The following LIMCH1 variants were observed in gnomAD, a reference collection of about 807,000 sequenced individuals.
LIMCH1 encodes the protein LIM and calponin homology domains-containing protein 1.
LIMCH1 carries 113 observed loss-of-function variants against 176.5 expected under a neutral mutation model. That is an observed-to-expected ratio of 0.64 (90% CI 0.55 to 0.75). The LOEUF (loss-of-function observed/expected upper bound fraction) is 0.75. LIMCH1 is among the 30% of genes least tolerant of loss of function. The probability of loss-of-function intolerance (pLI) is 0.00; values close to 1 mark genes in which losing one functional copy is unlikely to be tolerated. For missense variants in LIMCH1, 1,674 were observed against 1,814.9 expected, an observed-to-expected ratio of 0.92 and a Z score of 1.41; for synonymous variants, 619 against 645.9, an observed-to-expected ratio of 0.96 and a Z score of 0.63.
chr4:41,529,960 AGG>A (rs2077077399), intron 3 of LIMCH1, among the ~76,000 whole-genome samples: 1 of 152,188 alleles, frequency 6.6e-6, no homozygotes, highest in Non-Finnish European at 1.5e-5. Flanking sequence ...TTTGGGGAAA[AGG>A]ATGTACTTTT....
At chr4:41,526,808 A>G (rs968180303) in intron 3 of LIMCH1, among the ~76,000 whole-genome samples, 2 of 152,240 alleles carry the variant, frequency 1.3e-5, no homozygotes, top group Non-Finnish European at 2.9e-5. Flanking sequence ...TGAAGGCATC[A>G]TAGACATGCA....
chr4:41,613,415 T>TA, intron 4 of LIMCH1, 51 bp from the exon 5 acceptor site: 1 of 1,503,248 alleles, frequency 6.7e-7, no homozygotes, highest in Non-Finnish European at 9.2e-7. Flanking sequence ...ATCTTCCTGA[T>TA]AGTGTAGGCT....
intron 1 of LIMCH1, among the ~76,000 whole-genome samples, chr4:41,565,384 T>G (rs28460806): frequency 8.0e-5 from 8 of 100,330 alleles, no homozygotes; most frequent in South Asian, 3.4e-4. Flanking sequence ...CACACACACA[T>G]ACACACACAC....
At chr4:41,493,144 A>G (rs1561538433) in intron 1 of LIMCH1, among the ~76,000 whole-genome samples, 1 of 152,062 alleles carries the variant, frequency 6.6e-6, no homozygotes, top group South Asian at 2.1e-4. Flanking sequence ...CATTCTGACA[A>G]TCTCTGTCTT....
intron 3 of LIMCH1, among the ~76,000 whole-genome samples, chr4:41,530,812 AAAAAAAATTT>A (rs1392932329): frequency 3.1e-4 from 46 of 146,662 alleles, no homozygotes; most frequent in African/African-American, 1.1e-3. Context: ...AAAAAAAAAA[AAAAAAAATTT>A]TTTTTTTTTT....
chr4:41,367,759 C>T (rs970863981), intron 1 of LIMCH1, among the ~76,000 whole-genome samples: 21 of 149,118 alleles, frequency 1.4e-4, no homozygotes, highest in Admixed American at 3.3e-4. Context: ...CCCAGCTACT[C>T]GGAACGCTGA....
At chr4:41,537,583 T>C (rs1443731385), upstream of LIMCH1, among the ~76,000 whole-genome samples, 1 of 152,194 alleles carries the variant, frequency 6.6e-6, no homozygotes, top group Non-Finnish European at 1.5e-5. Flanking sequence ...AGGAATATGA[T>C]GATCCTTTTT....
At chr4:41,507,823 G>T (rs1419970784) in intron 2 of LIMCH1, among the ~76,000 whole-genome samples, 1 of 143,242 alleles carries the variant, frequency 7.0e-6, no homozygotes, top group Non-Finnish European at 1.5e-5. Flanking sequence ...CTGTAAAGAT[G>T]AATGCATTAT....
chr4:41,667,097 A>T (rs6853318), intron 21 of LIMCH1, among the ~76,000 whole-genome samples: 83,267 of 151,342 alleles, frequency 0.55, 23,703 homozygotes, highest in Middle Eastern at 0.66. Flanking sequence ...CAGAGCTGTG[A>T]CAAAAAAAAA....
chr4:41,686,009 G>C (rs1413764396), intron 28 of LIMCH1, among the ~76,000 whole-genome samples, 179 bp downstream of exon 28: 1 of 152,122 alleles, frequency 6.6e-6, no homozygotes, highest in African/African-American at 2.4e-5. Flanking sequence ...AGTCTTTCTG[G>C]CAAGTAAATA....
At chr4:41,452,480 A>G (rs1392639289) in intron 1 of LIMCH1, among the ~76,000 whole-genome samples, 1 of 152,218 alleles carries the variant, frequency 6.6e-6, no homozygotes, top group Admixed American at 6.5e-5. Flanking sequence ...TACCAGTGCT[A>G]TATTTCAGTT....
rs1583026445 is a variant in LIMCH1 at position 41,490,526 on chromosome 4, C to T, written c.97-4010C>T. 2.6e-5 allele frequency among the ~76,000 whole-genome samples: 4 copies of T among 152,252 alleles called. No individual in the cohort carries two copies. The East Asian group carries it at 7.7e-4, about 29-fold the overall frequency. On this transcript the variant is annotated intron_variant, in intron 1 of 26. Transcript: ENST00000313860. Reference sequence around the variant, plus strand: ...CAAGCATCTGTTTAACAAAGCACATCTTGCACTGCCCTTAAACCATTTAAC... The same window carrying T: ...CAAGCATCTGTTTAACAAAGCACATTTTGCACTGCCCTTAAACCATTTAAC...
chr4:41,631,552 A>G (rs2093327238), intron 10 of LIMCH1, 75 bp downstream of exon 10: 3 of 1,199,860 alleles, frequency 2.5e-6, no homozygotes, highest in Non-Finnish European at 3.4e-6. Context: ...GCTGAAGCAC[A>G]TTATACAAGC....
intron 1 of LIMCH1, among the ~76,000 whole-genome samples, chr4:41,490,021 G>A (rs1263160620): frequency 6.6e-6 from 1 of 152,044 alleles, no homozygotes; most frequent in Non-Finnish European, 1.5e-5. Flanking sequence ...TTCATTAAGG[G>A]GAAGTGGATT....
intron 1 of LIMCH1, among the ~76,000 whole-genome samples, chr4:41,430,531 G>A (rs572975305): frequency 1.3e-5 from 2 of 152,280 alleles, no homozygotes; most frequent in African/African-American, 4.8e-5. Context: ...CAAAGTGCTG[G>A]GATTACAGGC....
intron 3 of LIMCH1, among the ~76,000 whole-genome samples, chr4:41,529,736 TC>T (rs2077054460): frequency 6.8e-6 from 1 of 147,362 alleles, no homozygotes; most frequent in South Asian, 2.4e-4. Context: ...AGGCAAAAAC[TC>T]ATTTTTTAAG....
At chr4:41,686,240 G>C (rs982675962) in intron 28 of LIMCH1, among the ~76,000 whole-genome samples, 2 of 152,132 alleles carry the variant, frequency 1.3e-5, no homozygotes, top group Non-Finnish European at 2.9e-5. Context: ...AATTTTGTAA[G>C]AAAGTATTTT....
At chr4:41,419,162 TATTTC>T (rs879840253) in intron 1 of LIMCH1, among the ~76,000 whole-genome samples, 17,696 of 60,072 alleles carry the variant, frequency 0.29, 1,827 homozygotes, top group African/African-American at 0.41. Flanking sequence ...TATTTTATTT[TATTTC>T]ATTTTATTTT....
At chr4:41,613,072 G>T in intron 4 of LIMCH1, 1 of 1,552,188 alleles carries the variant, frequency 6.4e-7, no homozygotes, top group Non-Finnish European at 8.7e-7. Flanking sequence ...CAGACATGCA[G>T]TTATGGATTC....
Sources: allele counts gnomAD v4.1 joint callset (sites outside exome capture counted in the v4.1 genomes callset), GRCh38; gene constraint gnomAD v4.1.1; transcripts MANE v1.5; gene names NCBI Gene and HGNC (gene_info 2026-07-23, HGNC 2026-07-21).